Variants in USP40 observed in about 807,000 individuals in gnomAD.
USP40 encodes the protein ubiquitin specific peptidase 40, also known as ubiquitin carboxyl-terminal hydrolase 40.
A neutral mutation model predicts 166.2 loss-of-function variants in USP40; 143 were observed. The observed-to-expected ratio is 0.86, with a 90% CI of 0.75 to 0.99. The LOEUF is 0.99. Among genes scored for constraint, USP40 ranks in the 50% least tolerant of loss-of-function variants. USP40 has a pLI of 0.00. For synonymous variants in USP40, 498 were observed against 524.0 expected (o/e 0.95, Z 0.68); for missense variants, 1,444 against 1,479.7 (o/e 0.98, Z 0.40).
intron 16 of USP40, 35 bp from the exon 17 acceptor site, chr2:233,521,149 C>A: frequency 6.3e-7 from 1 of 1,588,648 alleles, no homozygotes; most frequent in African/African-American, 1.3e-5. Flanking sequence ...AAATTAATAC[C>A]TTTCCTTAGG....
chr2:233,510,680 A>C (rs2066761732), intron 20 of USP40, among the ~76,000 whole-genome samples: 1 of 152,068 alleles, frequency 6.6e-6, no homozygotes, highest in South Asian at 2.1e-4. Context: ...TTGGGATTAC[A>C]GATGTGAGCC....
chr2:233,495,838 T>C (rs762094176), intron 24 of USP40, among the ~76,000 whole-genome samples: 6 of 152,208 alleles, frequency 3.9e-5, no homozygotes, highest in Non-Finnish European at 8.8e-5. Flanking sequence ...AAGATCATTG[T>C]ACAAAATATA....
At chr2:233,500,657 T>C (rs1252485294) in intron 21 of USP40, among the ~76,000 whole-genome samples, 2 of 152,062 alleles carry the variant, frequency 1.3e-5, no homozygotes, top group East Asian at 1.9e-4. Context: ...TTTTAAAAAG[T>C]AGGAAATGTC....
chr2:233,491,501 C>T (rs940920536), intron 25 of USP40, among the ~76,000 whole-genome samples: 1 of 152,196 alleles, frequency 6.6e-6, no homozygotes, highest in Admixed American at 6.5e-5. Flanking sequence ...TTTCCACATT[C>T]TCTCCTTCCT....
chr2:233,534,689 T>A (rs1018134086), intron 10 of USP40, among the ~76,000 whole-genome samples: 53 of 152,188 alleles, frequency 3.5e-4, no homozygotes, highest in Non-Finnish European at 7.3e-5. Context: ...TAAAACAGCC[T>A]TGCAGCTAGT....
At position 233,522,665 on chromosome 2, in the gene USP40, G is replaced by T. The variant is rs372976877; in HGVS notation, c.2201+505C>A. 3.9e-5 allele frequency among the ~76,000 whole-genome samples: 6 copies of T among 152,190 alleles called. No individual in the cohort carries two copies. The East Asian group carries it at 1.2e-3, about 29-fold the overall frequency. Reference sequence around the variant, plus strand: ...AAATGTGACCACAGGATTCATGGGGGTAATTCGCCACGTAACTGCTCTATT... The same window carrying T: ...AAATGTGACCACAGGATTCATGGGGTTAATTCGCCACGTAACTGCTCTATT... On this transcript the variant is annotated intron_variant, in intron 16 of 31. Transcript: ENST00000678225.
chr2:233,515,447 T>G (rs2067122153), intron 18 of USP40, among the ~76,000 whole-genome samples: 1 of 152,234 alleles, frequency 6.6e-6, no homozygotes, highest in Non-Finnish European at 1.5e-5. Flanking sequence ...CATTTGGTTT[T>G]AATTTGATTG....
intron 8 of USP40, chr2:233,545,844 C>G (rs1420913078): frequency 1.7e-5 from 3 of 172,414 alleles, no homozygotes; most frequent in African/African-American, 7.1e-5. Flanking sequence ...TCTGTGGGCA[C>G]AGGGGATCTG....
At chr2:233,555,787 T>C (rs942661238) in intron 5 of USP40, among the ~76,000 whole-genome samples, 1 of 151,772 alleles carries the variant, frequency 6.6e-6, no homozygotes, top group Non-Finnish European at 1.5e-5. Flanking sequence ...TATATACACA[T>C]CTATTTTCAA....
At chr2:233,515,454 A>G (rs2067123043) in intron 18 of USP40, among the ~76,000 whole-genome samples, 1 of 152,072 alleles carries the variant, frequency 6.6e-6, no homozygotes, top group Non-Finnish European at 1.5e-5. Context: ...TTTTAATTTG[A>G]TTGCTAATGA....
At chr2:233,525,062 T>C (rs1024796565) in intron 14 of USP40, among the ~76,000 whole-genome samples, 1 of 152,246 alleles carries the variant, frequency 6.6e-6, no homozygotes, top group African/African-American at 2.4e-5. Context: ...TTAAAGGAAG[T>C]AAATGCTTTC....
At chr2:233,500,092 G>C (rs2065977820) in intron 21 of USP40, among the ~76,000 whole-genome samples, 177 bp from the exon 22 acceptor site, 4 of 152,134 alleles carry the variant, frequency 2.6e-5, no homozygotes, top group Admixed American at 2.6e-4. Context: ...CTTTCTAAAG[G>C]CTAGATGGGG....
intron 25 of USP40, 85 bp from the exon 26 acceptor site, chr2:233,491,346 T>TA: frequency 2.0e-6 from 2 of 993,196 alleles, no homozygotes; most frequent in South Asian, 1.4e-5. Context: ...TTTGATATTG[T>TA]AAATAGGTTA....
chr2:233,525,850 C>G (rs189657037), intron 13 of USP40, among the ~76,000 whole-genome samples: 1 of 152,302 alleles, frequency 6.6e-6, no homozygotes, highest in East Asian at 1.9e-4. Flanking sequence ...GAGCACTTTT[C>G]TCAGAAAGCA....
chr2:233,503,139 A>C (rs935126232), intron 21 of USP40, among the ~76,000 whole-genome samples: 3 of 152,218 alleles, frequency 2.0e-5, no homozygotes, highest in Non-Finnish European at 4.4e-5. Context: ...AATCAGAAAA[A>C]TTCATTCATA....
At chr2:233,549,066 T>G (rs1409552522) in intron 8 of USP40, 35 bp downstream of exon 8, 2 of 1,562,204 alleles carry the variant, frequency 1.3e-6, no homozygotes, top group Admixed American at 2.0e-5. Context: ...GAAAAGAAAT[T>G]GCAAAGATAT....
chr2:233,559,101 G>A (rs1302570086), intron 4 of USP40, among the ~76,000 whole-genome samples: 2 of 152,148 alleles, frequency 1.3e-5, no homozygotes, highest in Non-Finnish European at 2.9e-5. Flanking sequence ...TGGTAGACTG[G>A]GATTTGTTTG....
Position 233,477,502 on chromosome 2 carries a change from G to A in USP40, c.3601C>T (p.Gln1201Ter). 6.2e-7 allele frequency: 1 copy of A among 1,612,640 alleles called. No individual in the cohort carries two copies. Among genetic ancestry groups the A allele is most frequent in the Non-Finnish European group, 8.5e-7 (1 of 1,179,472 alleles). Residue 1201 changes from glutamine (Q) to a stop codon, truncating the protein, a stop_gained and splice_region_variant, in exon 32 of 32, where the codon CAA (glutamine) becomes TAA (stop). Transcript: ENST00000678225. LOFTEE classifies it low-confidence loss of function (END_TRUNC). ...CTGCTCTGCTCATGGAGGGCTTCTT[G>A]GCTGCAGAGACACAGACACTGTCAT... Reference protein sequence around the residue: ...KQRALGRRKSQEALHEQSSYI... With the variant: ...KQRALGRRKS
intron 11 of USP40, among the ~76,000 whole-genome samples, chr2:233,532,511 G>A (rs764096838): frequency 6.6e-5 from 10 of 152,196 alleles, no homozygotes; most frequent in Admixed American, 1.3e-4. Context: ...CTGTATCTGG[G>A]CCCTTGAGCT....
Sources: gnomAD v4.1 joint callset for allele counts (sites outside exome capture counted in the v4.1 genomes callset) on GRCh38, gnomAD v4.1.1 for gene constraint, MANE v1.5 for transcripts, NCBI Gene and HGNC (gene_info 2026-07-23, HGNC 2026-07-21) for gene names.